HECW2: variants seen among roughly 807,000 people sequenced by gnomAD.
HECW2 encodes E3 ubiquitin-protein ligase HECW2.
Under a neutral mutation model 175.2 loss-of-function variants are expected in HECW2, and 61 were observed. The observed-to-expected ratio is 0.35, with a 90% CI of 0.28 to 0.43. HECW2 has a LOEUF of 0.43. Among genes scored for constraint, HECW2 ranks in the 20% least tolerant of loss-of-function variants. HECW2 has a pLI of 1.00. For synonymous variants in HECW2, 671 were observed against 731.0 expected (o/e 0.92, Z 1.32); for missense variants, 1,524 against 2,000.5 (o/e 0.76, Z 4.54).
intron 1 of HECW2, among the ~76,000 whole-genome samples, chr2:196,452,562 T>C (rs1005681456): frequency 6.6e-6 from 1 of 152,140 alleles, no homozygotes; most frequent in Non-Finnish European, 1.5e-5. Flanking sequence ...TATCCACTAA[T>C]ATAAATCTGA....
intron 1 of HECW2, among the ~76,000 whole-genome samples, chr2:196,545,973 C>A (rs544043671): frequency 6.6e-6 from 1 of 152,154 alleles, no homozygotes; most frequent in Non-Finnish European, 1.5e-5. Context: ...AAGTATATAT[C>A]TTTGACTATA....
intron 15 of HECW2, among the ~76,000 whole-genome samples, chr2:196,275,170 C>T (rs1312285844): frequency 6.6e-6 from 1 of 152,160 alleles, no homozygotes; most frequent in Non-Finnish European, 1.5e-5. Flanking sequence ...TCAAACAGCC[C>T]CTCCTCGACA....
chr2:196,325,025 C>A lies in HECW2; in HGVS notation c.696G>T (p.Arg232=), dbSNP rs762786991. 2 of 1,606,244 alleles carry A rather than the reference C, an allele frequency of 1.2e-6. No homozygotes were observed. The highest frequency in any genetic ancestry group is 1.3e-5 in the African/African-American group (1 of 74,394). ...PTCAHHGQER[R]STIISNTTNP... is the part of the protein sequence containing the mutation. Reference sequence around the variant, plus strand: ...TGGTGGTGTTACTGATGATAGTAGACCGTCTCTCCTGCCCGTGGTGGGCAC... The same window carrying A: ...TGGTGGTGTTACTGATGATAGTAGAACGTCTCTCCTGCCCGTGGTGGGCAC... Residue 232 remains arginine, a synonymous_variant, in exon 6 of 29, where the codon CGG becomes CGT. Transcript: ENST00000644978.
intron 1 of HECW2, among the ~76,000 whole-genome samples, chr2:196,541,435 A>G (rs902297020): frequency 6.6e-6 from 1 of 152,146 alleles, no homozygotes; most frequent in Admixed American, 6.6e-5. Context: ...TCAAATTCAG[A>G]ATGGCTAGAG....
intron 21 of HECW2, among the ~76,000 whole-genome samples, chr2:196,234,721 A>G (rs1294234092): frequency 8.6e-6 from 1 of 116,136 alleles, no homozygotes; most frequent in Admixed American, 8.6e-5. Flanking sequence ...TCACTGGAGA[A>G]TATGTAGTAT....
chr2:196,513,878 T>C (rs140961917), intron 1 of HECW2, among the ~76,000 whole-genome samples: 52 of 152,326 alleles, frequency 3.4e-4, no homozygotes, highest in Non-Finnish European at 1.5e-5. Flanking sequence ...GAAACCTTTC[T>C]AGCATTTGGG....
At chr2:196,497,466 T>C (rs538458183) in intron 1 of HECW2, among the ~76,000 whole-genome samples, 2 of 152,326 alleles carry the variant, frequency 1.3e-5, no homozygotes, top group East Asian at 3.9e-4. Flanking sequence ...GGGAGATTGT[T>C]GACTTAACTG....
intron 17 of HECW2, 58 bp downstream of exon 17, chr2:196,271,135 C>A: frequency 1.0e-6 from 1 of 1,000,050 alleles, no homozygotes; most frequent in South Asian, 1.4e-5. Flanking sequence ...ATCAGTAAAA[C>A]TAAGATTTAA....
intron 1 of HECW2, among the ~76,000 whole-genome samples, chr2:196,508,788 C>T (rs1353851053): frequency 6.6e-6 from 1 of 152,224 alleles, no homozygotes; most frequent in Non-Finnish European, 1.5e-5. Context: ...AAGAAAACTT[C>T]ATTCTTTCCT....
Position 196,428,961 on chromosome 2 carries a change from T to C in HECW2, c.292+4171A>G, listed in dbSNP as rs115036041. Among the ~76,000 whole-genome samples the C allele has an allele frequency of 4.6e-3, 708 of 152,332 alleles. 2 individuals carry two copies. The highest frequency in any genetic ancestry group is 7.3e-3 in the Non-Finnish European group (494 of 68,038). The stretch of plus-strand genomic sequence containing the variant: ...TCAGAGTGCCAGTCCAAGATCTATT[T>C]TCTGCTCTGCCATCCATAGCTTTTT... On this transcript the variant is annotated intron_variant, in intron 2 of 28. Coordinates refer to ENST00000644978, the MANE Select transcript of HECW2 (RefSeq NM_001348768.2).
chr2:196,297,552 T>C (rs973964642), intron 13 of HECW2, among the ~76,000 whole-genome samples: 2 of 152,238 alleles, frequency 1.3e-5, no homozygotes, highest in African/African-American at 2.4e-5. Context: ...CTTAGTGTTA[T>C]GATGACCAAA....
At chr2:196,338,049 A>G (rs1372917829) in intron 3 of HECW2, among the ~76,000 whole-genome samples, 1 of 152,250 alleles carries the variant, frequency 6.6e-6, no homozygotes, top group African/African-American at 2.4e-5. Flanking sequence ...ATAAATACAA[A>G]TGAAGATGTC....
At chr2:196,442,686 C>T (rs1437686137) in intron 1 of HECW2, among the ~76,000 whole-genome samples, 2 of 152,114 alleles carry the variant, frequency 1.3e-5, no homozygotes, top group Non-Finnish European at 2.9e-5. Flanking sequence ...TTATCAAATA[C>T]TGTTACATAT....
At chr2:196,315,335 G>A (rs1691654703) in intron 10 of HECW2, among the ~76,000 whole-genome samples, 2 of 152,138 alleles carry the variant, frequency 1.3e-5, no homozygotes, top group Admixed American at 6.5e-5. Context: ...GCACACTGTT[G>A]AATTTTGGGT....
chr2:196,282,310 A>G lies in HECW2; in HGVS notation c.3001-3648T>C, dbSNP rs557776276. Among the ~76,000 whole-genome samples, 24 of 152,328 alleles carry G rather than the reference A, an allele frequency of 1.6e-4. No homozygotes were observed. In the South Asian group the frequency reaches 3.5e-3, roughly 22 times the overall value. On this transcript the variant is annotated intron_variant, in intron 14 of 28. Coordinates refer to ENST00000644978, the MANE Select transcript of HECW2 (RefSeq NM_001348768.2). ...ACAAATTTAATAGTGGAGCTCCAGT[A>G]GCCATACTGAACCATGGTGATTGTT...
chr2:196,267,716 T>C (rs1689570429), intron 17 of HECW2, among the ~76,000 whole-genome samples: 1 of 152,172 alleles, frequency 6.6e-6, no homozygotes. Flanking sequence ...AAACTATACA[T>C]AGATGCAAAC....
intron 2 of HECW2, among the ~76,000 whole-genome samples, chr2:196,419,060 C>G (rs1394741194): frequency 6.6e-6 from 1 of 152,186 alleles, no homozygotes; most frequent in Non-Finnish European, 1.5e-5. Flanking sequence ...GATAATGCAG[C>G]ACAGAGAGCT....
At chr2:196,514,219 G>A (rs910324686) in intron 1 of HECW2, among the ~76,000 whole-genome samples, 1 of 152,216 alleles carries the variant, frequency 6.6e-6, no homozygotes, top group African/African-American at 2.4e-5. Context: ...GCAAAGTTGT[G>A]GCCGAGTCTG....
intron 1 of HECW2, among the ~76,000 whole-genome samples, chr2:196,437,890 G>A (rs1472801828): frequency 6.6e-6 from 1 of 152,256 alleles, no homozygotes; most frequent in Middle Eastern, 3.4e-3. Flanking sequence ...AAAATTGGTG[G>A]CCAGAAGAGT....
Sources: allele counts gnomAD v4.1 joint callset (sites outside exome capture counted in the v4.1 genomes callset), GRCh38; gene constraint gnomAD v4.1.1; transcripts MANE v1.5; gene names NCBI Gene and HGNC (gene_info 2026-07-23, HGNC 2026-07-21).